The following CLIC5 variants were observed in gnomAD, a reference collection of about 807,000 sequenced individuals.
CLIC5 encodes chloride intracellular channel protein 5.
A neutral mutation model predicts 24.7 loss-of-function variants in CLIC5; 20 were observed. The observed-to-expected ratio is 0.81, with a 90% CI of 0.57 to 1.18. The LOEUF is 1.18. Ranked by LOEUF, CLIC5 falls within the 50% of genes most tolerant of loss-of-function variation. The pLI is 0.00. For missense variants in CLIC5, 341 were observed against 326.1 expected, an observed-to-expected ratio of 1.05 and a Z score of -0.35; for synonymous variants, 159 against 135.6, an observed-to-expected ratio of 1.17 and a Z score of -1.20.
chr6:45,996,668 A>G (rs1395633307), intron 1 of CLIC5, among the ~76,000 whole-genome samples: 3 of 152,208 alleles, frequency 2.0e-5, no homozygotes, highest in Non-Finnish European at 4.4e-5. Context: ...AAAAAAACAA[A>G]CAACCCCATC....
At chr6:45,948,249 C>A (rs2127378168) in intron 3 of CLIC5, among the ~76,000 whole-genome samples, 1 of 152,316 alleles carries the variant, frequency 6.6e-6, no homozygotes, top group African/African-American at 2.4e-5. Flanking sequence ...ATCTCACTAA[C>A]TTTACTTACT....
chr6:46,082,509 C>A (rs1762946115), upstream of CLIC5, among the ~76,000 whole-genome samples: 1 of 152,192 alleles, frequency 6.6e-6, no homozygotes, highest in African/African-American at 2.4e-5. Flanking sequence ...CACAACCACT[C>A]TCCTATACCT....
rs1350504869 is a variant in CLIC5 at position 45,944,571 on chromosome 6, AAAAT to A, written c.300-2922_300-2919del. 1.1e-4 allele frequency among the ~76,000 whole-genome samples: 17 copies of A among 151,494 alleles called. No individual in the cohort carries two copies. In the East Asian group the frequency reaches 1.4e-3, roughly 12 times the overall value. On this transcript the variant is annotated intron_variant, in intron 3 of 5. Transcript: ENST00000339561. ...CACCAAAAAAAAAAAAAAAAAAAAA[AAAAT>A]TTTTCAAAAGTAGAAAATAGTAGCA...
chr6:46,016,766 G>A (rs562151342), upstream of CLIC5, among the ~76,000 whole-genome samples: 4 of 152,210 alleles, frequency 2.6e-5, no homozygotes, highest in East Asian at 1.9e-4. Flanking sequence ...CTTTTCTCCC[G>A]TCTCCACTGT....
At chr6:45,892,633 TAC>T (rs1296436982) in intron 6 of CLIC5, among the ~76,000 whole-genome samples, 1 of 152,238 alleles carries the variant, frequency 6.6e-6, no homozygotes, top group Non-Finnish European at 1.5e-5. Context: ...CTGGTGGCTT[TAC>T]TCTCAGGATG....
At chr6:46,003,437 C>A (rs768599277) in intron 1 of CLIC5, among the ~76,000 whole-genome samples, 1 of 152,142 alleles carries the variant, frequency 6.6e-6, no homozygotes. Context: ...AACAACAACA[C>A]CAACAACAAA....
chr6:46,084,747 G>T (rs1762995474), upstream of CLIC5, among the ~76,000 whole-genome samples: 1 of 152,132 alleles, frequency 6.6e-6, no homozygotes, highest in Admixed American at 6.5e-5. Flanking sequence ...TGACAATTAT[G>T]TGTCTTGGAG....
At chr6:45,944,746 C>T (rs1386359879) in intron 3 of CLIC5, among the ~76,000 whole-genome samples, 1 of 152,124 alleles carries the variant, frequency 6.6e-6, no homozygotes, top group Non-Finnish European at 1.5e-5. Context: ...GAAACACCTA[C>T]TGAGGACTAG....
chr6:46,101,770 C>A, the CLIC5 span, among the ~76,000 whole-genome samples: 1 of 152,194 alleles, frequency 6.6e-6, no homozygotes, highest in Non-Finnish European at 1.5e-5. Context: ...TCTAAACCAA[C>A]AACCTCATAT....
the CLIC5 span, among the ~76,000 whole-genome samples, chr6:46,087,628 C>T: frequency 6.6e-6 from 1 of 152,128 alleles, no homozygotes; most frequent in African/African-American, 2.4e-5. Flanking sequence ...CGGACTCCAT[C>T]ATGACCAAAT....
intron 4 of CLIC5, among the ~76,000 whole-genome samples, chr6:45,916,436 A>G (rs958157269): frequency 6.6e-6 from 1 of 152,198 alleles, no homozygotes; most frequent in African/African-American, 2.4e-5. Flanking sequence ...TGCTTGCTCA[A>G]TCCCTCTACC....
rs369954715 is a variant in CLIC5 at position 45,914,280 on chromosome 6, T to A, written c.536A>T (p.Asp179Val). Reference sequence around the variant, plus strand: ...ATTGCAGTCAGCCAGGGTCAGCTCATCCCCATCCAGGAACTTGCGCCGGGA... The same window carrying A: ...ATTGCAGTCAGCCAGGGTCAGCTCAACCCCATCCAGGAACTTGCGCCGGGA... The part of the protein sequence containing the change: ...KGSRRKFLDG[D>V]ELTLADCNLL... The change falls in exon 5 of 6, where the codon GAT becomes GTT. Residue 179 changes from aspartate (D) to valine (V), a missense_variant. Physicochemically the swap from Asp to Val is radical, Grantham distance 152. Transcript: ENST00000339561. 2 of 1,610,720 alleles carry A rather than the reference T, an allele frequency of 1.2e-6. No individual in the cohort carries two copies. Among genetic ancestry groups the A allele is most frequent in the South Asian group, 2.2e-5 (2 of 90,562 alleles).
intron 1 of CLIC5, among the ~76,000 whole-genome samples, chr6:46,063,630 T>C (rs1762356968): frequency 1.3e-5 from 2 of 152,264 alleles, no homozygotes; most frequent in South Asian, 2.1e-4. Context: ...TGCATGTGCA[T>C]GGGAGAAAAC....
At chr6:45,948,390 T>C (rs944462602) in intron 3 of CLIC5, among the ~76,000 whole-genome samples, 1 of 152,160 alleles carries the variant, frequency 6.6e-6, no homozygotes, top group African/African-American at 2.4e-5. Context: ...TCCAGCTTCA[T>C]GGTCCTCTAG....
rs755017418 is a variant in CLIC5, at chr6:45,903,247, G to A, written c.597C>T (p.Ala199=). The change falls in exon 6 of 6, where the codon GCC becomes GCT. Residue 199 remains alanine, a synonymous_variant. Transcript: ENST00000339561. ...LPKLHVVKIV[A]KKYRNYDIPA... is the part of the protein sequence containing the mutation. ...GGATATCATAGTTGCGGTATTTCTT[G>A]GCCACAATCTAAAACAGAGATGGCA... 3.2e-6 allele frequency: 5 copies of A among 1,580,536 alleles called. No homozygotes were observed. In the Admixed American group the frequency reaches 8.8e-5, roughly 28 times the overall value.
At chr6:46,043,195 A>C (rs1437335722) in intron 1 of CLIC5, among the ~76,000 whole-genome samples, 1 of 152,180 alleles carries the variant, frequency 6.6e-6, no homozygotes, top group Non-Finnish European at 1.5e-5. Context: ...AATGATGTAC[A>C]GTTATTGAGC....
At chr6:45,880,918 A>T, downstream of CLIC5, 1 of 385,542 alleles carries the variant, frequency 2.6e-6, no homozygotes, top group Non-Finnish European at 4.6e-6. Context: ...TGCCGGTGAC[A>T]TTTCAAGAGC....
the CLIC5 span, among the ~76,000 whole-genome samples, chr6:46,112,530 G>T: frequency 6.6e-6 from 1 of 152,066 alleles, no homozygotes; most frequent in Non-Finnish European, 1.5e-5. Context: ...TCTGTGGTTT[G>T]CCCCCCACGT....
At position 45,987,089 on chromosome 6, in the gene CLIC5, T is replaced by C. The variant is rs140542108; in HGVS notation, c.63+28391A>G. Among the ~76,000 whole-genome samples, 468 of 152,310 alleles carry C rather than the reference T, an allele frequency of 3.1e-3. 3 individuals are homozygous for C. Among genetic ancestry groups the C allele is most frequent in the African/African-American group, 0.011 (438 of 41,576 alleles). On this transcript the variant is annotated intron_variant, in intron 1 of 5. Coordinates refer to ENST00000339561, the MANE Select transcript of CLIC5 (RefSeq NM_016929.5). ...GGCAGCCACTGGAAGATGCTGAGAATAGCAACATGAGTGGCACTGTGGACT... is the reference window on the plus strand; with the variant it reads ...GGCAGCCACTGGAAGATGCTGAGAACAGCAACATGAGTGGCACTGTGGACT...
Sources: allele counts gnomAD v4.1 joint callset (sites outside exome capture counted in the v4.1 genomes callset), GRCh38; gene constraint gnomAD v4.1.1; transcripts MANE v1.5; gene names NCBI Gene and HGNC (gene_info 2026-07-23, HGNC 2026-07-21).